The following NRXN3 variants were observed in gnomAD, a reference collection of about 807,000 sequenced individuals.
NRXN3 encodes the protein neurexin III.
In NRXN3, 32 loss-of-function variants were observed where a neutral mutation model predicts 137.6. The observed-to-expected ratio is 0.23, with a 90% CI of 0.18 to 0.31. The LOEUF is 0.31. NRXN3 is among the 10% of genes least tolerant of loss of function. NRXN3 has a pLI of 1.00. For synonymous variants in NRXN3, 798 were observed against 784.5 expected, an observed-to-expected ratio of 1.02 and a Z score of -0.29; for missense variants, 1,574 against 2,062.5, an observed-to-expected ratio of 0.76 and a Z score of 4.59.
chr14:78,810,123 A>ATATG (rs1366813488), intron 9 of NRXN3, among the ~76,000 whole-genome samples, 195 bp from the exon 10 acceptor site: 3 of 151,866 alleles, frequency 2.0e-5, no homozygotes, highest in South Asian at 4.2e-4. Flanking sequence ...GTATATATAT[A>ATATG]TGTATCCAAC....
chr14:79,548,698 C>G (rs1383884167), intron 16 of NRXN3, among the ~76,000 whole-genome samples: 1 of 150,298 alleles, frequency 6.7e-6, no homozygotes, highest in Non-Finnish European at 1.5e-5. Flanking sequence ...GCATCAACAT[C>G]TTGAATAGAA....
In NRXN3 at chr14:79,573,142, T is replaced by G. The variant is rs144454189; in HGVS notation, c.3445-90636T>G. 9.2e-5 allele frequency: 14 copies of G among 152,346 alleles called. No homozygotes were observed. The East Asian group carries it at 2.7e-3, about 29-fold the overall frequency. 9.4% of individuals were successfully genotyped at this position (152,346 alleles called of 1,614,324 possible). On this transcript the variant is annotated intron_variant, in intron 16 of 20. Transcript: ENST00000335750. Reference sequence around the variant, plus strand: ...GATGCTTTTTAAATATATATTAGTTTCATCACTTTACCACATTGAGAGTCC... The same window carrying G: ...GATGCTTTTTAAATATATATTAGTTGCATCACTTTACCACATTGAGAGTCC...
chr14:78,666,351 C>G (rs1275190560), intron 6 of NRXN3, among the ~76,000 whole-genome samples: 1 of 152,064 alleles, frequency 6.6e-6, no homozygotes, highest in African/African-American at 2.4e-5. Context: ...ATGCCTCTTT[C>G]CAGGAGACGG....
At chr14:78,219,539 CTG>C (rs2063621913) in intron 1 of NRXN3, among the ~76,000 whole-genome samples, 1 of 152,216 alleles carries the variant, frequency 6.6e-6, no homozygotes, top group South Asian at 2.1e-4. Context: ...TGCCTCTTAG[CTG>C]TGTGACCTTG....
At chr14:78,948,936 G>T (rs971985971) in intron 10 of NRXN3, among the ~76,000 whole-genome samples, 2 of 152,130 alleles carry the variant, frequency 1.3e-5, no homozygotes, top group African/African-American at 4.8e-5. Flanking sequence ...TCCCACAGCT[G>T]TATGACCTTG....
At chr14:79,179,763 G>A (rs1004682576) in intron 15 of NRXN3, among the ~76,000 whole-genome samples, 4 of 152,158 alleles carry the variant, frequency 2.6e-5, no homozygotes, top group East Asian at 1.9e-4. Flanking sequence ...CTTGCCAGTG[G>A]TGAAGAAGAT....
At chr14:79,750,496 G>A (rs2098993809) in intron 19 of NRXN3, among the ~76,000 whole-genome samples, 2 of 152,120 alleles carry the variant, frequency 1.3e-5, no homozygotes, top group South Asian at 2.1e-4. Context: ...CTTTCAGCAA[G>A]TTGTCTTTAT....
At chr14:78,471,721 G>C (rs896442577) in intron 4 of NRXN3, among the ~76,000 whole-genome samples, 2 of 152,116 alleles carry the variant, frequency 1.3e-5, no homozygotes, top group Non-Finnish European at 2.9e-5. Flanking sequence ...CGATACCATT[G>C]GTCTAGGCAT....
intron 15 of NRXN3, among the ~76,000 whole-genome samples, chr14:79,209,911 T>C (rs2067391298): frequency 6.6e-6 from 1 of 152,198 alleles, no homozygotes; most frequent in South Asian, 2.1e-4. Context: ...CAAAGCAATA[T>C]TTGTAACTCT....
At chr14:79,246,950 C>G (rs2075273841) in intron 15 of NRXN3, 1 of 152,198 alleles carries the variant, frequency 6.6e-6, no homozygotes, top group Non-Finnish European at 1.5e-5. Context: ...CAGTCCCCAC[C>G]ATTGCCTATC....
chr14:78,801,060 G>A (rs1305302157), intron 8 of NRXN3, among the ~76,000 whole-genome samples: 1 of 152,198 alleles, frequency 6.6e-6, no homozygotes, highest in East Asian at 1.9e-4. Flanking sequence ...AGTGGCTCAC[G>A]CCTGTAATCC....
At chr14:79,768,455 G>A (rs2139668609) in intron 19 of NRXN3, among the ~76,000 whole-genome samples, 1 of 152,256 alleles carries the variant, frequency 6.6e-6, no homozygotes, top group Admixed American at 6.5e-5. Context: ...CCTCAAGTGG[G>A]TCCCTGACCC....
intron 15 of NRXN3, among the ~76,000 whole-genome samples, chr14:79,297,619 CAA>C (rs1222062524): frequency 6.6e-6 from 1 of 151,958 alleles, no homozygotes; most frequent in Non-Finnish European, 1.5e-5. Flanking sequence ...ATTGGAATGA[CAA>C]GAGACTGAAT....
intron 2 of NRXN3, among the ~76,000 whole-genome samples, chr14:78,263,418 T>C (rs910582086): frequency 6.6e-6 from 1 of 152,238 alleles, no homozygotes; most frequent in Non-Finnish European, 1.5e-5. Flanking sequence ...TGTACAGTTT[T>C]GACCCTGAGG....
At chr14:79,666,814 A>G (rs2098559333) in intron 17 of NRXN3, among the ~76,000 whole-genome samples, 1 of 152,064 alleles carries the variant, frequency 6.6e-6, no homozygotes, top group Non-Finnish European at 1.5e-5. Context: ...TTTTATTGGC[A>G]CCAGTGACCC....
chr14:79,784,674 C>T (rs545986400), intron 19 of NRXN3, among the ~76,000 whole-genome samples: 1 of 138,654 alleles, frequency 7.2e-6, no homozygotes, highest in East Asian at 2.2e-4. Flanking sequence ...CAGCATGGTC[C>T]AAATGGTGTT....
intron 10 of NRXN3, among the ~76,000 whole-genome samples, chr14:78,926,315 A>G (rs748319141): frequency 9.2e-5 from 14 of 152,058 alleles, no homozygotes; most frequent in Non-Finnish European, 1.8e-4. Flanking sequence ...CTGTAAAAAT[A>G]ATCCTGTAAT....
intron 16 of NRXN3, among the ~76,000 whole-genome samples, chr14:79,470,901 A>AGAGT (rs1465237457): frequency 1.1e-4 from 13 of 117,970 alleles, no homozygotes; most frequent in African/African-American, 4.4e-4. Context: ...AGAGAGAGAG[A>AGAGT]GTGTGTGTGT....
chr14:78,794,025 T>A (rs2098813549), intron 8 of NRXN3, among the ~76,000 whole-genome samples: 1 of 152,096 alleles, frequency 6.6e-6, no homozygotes, highest in African/African-American at 2.4e-5. Flanking sequence ...CAAAGAATAA[T>A]GTTCTCATTT....
Sources: allele counts gnomAD v4.1 joint callset (sites outside exome capture counted in the v4.1 genomes callset), GRCh38; gene constraint gnomAD v4.1.1; transcripts MANE v1.5; gene names NCBI Gene and HGNC (gene_info 2026-07-23, HGNC 2026-07-21).